Variants in SCD5 observed in about 807,000 individuals in gnomAD.
SCD5 encodes the protein acyl-CoA-desaturase 4.
Under a neutral mutation model 30.4 loss-of-function variants are expected in SCD5, and 20 were observed. The observed-to-expected ratio is 0.66, with a 90% confidence interval of 0.46 to 0.96. The LOEUF (loss-of-function observed/expected upper bound fraction) is 0.96. Among genes scored for constraint, SCD5 ranks in the 40% least tolerant of loss-of-function variants. The pLI, the probability that SCD5 is intolerant of heterozygous loss-of-function variation, is 0.00. For synonymous variants in SCD5, 173 were observed against 176.4 expected, an observed-to-expected ratio of 0.98 and a Z score of 0.16; for missense variants, 381 against 443.3, an observed-to-expected ratio of 0.86 and a Z score of 1.26.
intron 3 of SCD5, among the ~76,000 whole-genome samples, chr4:82,667,322 C>T (rs1270526289): frequency 1.3e-5 from 2 of 152,072 alleles, no homozygotes; most frequent in Non-Finnish European, 2.9e-5. Context: ...TCCTAAAGCT[C>T]TACTAGGAAA....
chr4:82,723,867 A>G (rs1412865327), intron 1 of SCD5, among the ~76,000 whole-genome samples: 2 of 152,366 alleles, frequency 1.3e-5, no homozygotes, highest in East Asian at 3.9e-4. Context: ...ATACAATGTG[A>G]AAGCCTGACT....
At chr4:82,705,462 A>C (rs1373565540) in intron 1 of SCD5, 49 bp from the exon 2 acceptor site, 1 of 1,606,314 alleles carries the variant, frequency 6.2e-7, no homozygotes, top group Non-Finnish European at 8.5e-7. Context: ...CTGAGCTTTC[A>C]AACACCCCCC....
In SCD5 at chr4:82,795,809, CAAAAAAAAAA is replaced by C. The variant is rs72115040; in HGVS notation, c.232+2487_232+2496del. On this transcript the variant is annotated intron_variant, in intron 1 of 4. Transcript: ENST00000319540. ...TGCACTCCAGCAAGACCCTGTCTCACAAAAAAAAAAAAAAAAAAAAAAAAAAGCAGCAGAG... is the reference window on the plus strand; with the variant it reads ...TGCACTCCAGCAAGACCCTGTCTCACAAAAAAAAAAAAAAAAGCAGCAGAG... Among the ~76,000 whole-genome samples, 73 of 43,908 alleles carry C rather than the reference CAAAAAAAAAA, an allele frequency of 1.7e-3. 1 individual carries two copies. Among genetic ancestry groups the C allele is most frequent in the South Asian group, 0.012 (9 of 774 alleles). The allele number at this position is 43,908 out of a possible 152,430, so 28.8% of individuals were successfully genotyped here. A position where few individuals can be genotyped will look rare whatever the true frequency, so the allele number is the denominator to read the frequency against.
chr4:82,737,889 G>T (rs771959104), intron 1 of SCD5, among the ~76,000 whole-genome samples: 7 of 150,470 alleles, frequency 4.7e-5, no homozygotes, highest in Admixed American at 2.0e-4. Context: ...TAAGATTAAA[G>T]AAATCTAAAC....
At chr4:82,672,051 A>T (rs1728338474) in intron 3 of SCD5, among the ~76,000 whole-genome samples, 7 of 152,246 alleles carry the variant, frequency 4.6e-5, no homozygotes, top group African/African-American at 1.4e-4. Flanking sequence ...GGATGCCATA[A>T]AAGCAGTGCT....
chr4:82,748,225 G>T (rs551999012), intron 1 of SCD5, among the ~76,000 whole-genome samples: 1 of 152,200 alleles, frequency 6.6e-6, no homozygotes, highest in African/African-American at 2.4e-5. Context: ...GGGAAACGAT[G>T]AAAAGGGCCC....
intron 3 of SCD5, among the ~76,000 whole-genome samples, chr4:82,679,238 A>AAGAG (rs1553915598): frequency 0.17 from 15,444 of 88,388 alleles, 2,200 homozygotes; most frequent in East Asian, 0.24. Context: ...GAAAGAAAGA[A>AAGAG]AGAAAGAAAG....
intron 1 of SCD5, among the ~76,000 whole-genome samples, chr4:82,769,398 G>A (rs1463878255): frequency 1.3e-5 from 2 of 152,164 alleles, no homozygotes; most frequent in Admixed American, 6.5e-5. Flanking sequence ...AATTAGCCAA[G>A]TAGGTAGTGT....
At position 82,636,748 on chromosome 4, in the gene SCD5, A is replaced by G. The variant is rs559978217; in HGVS notation, c.645T>C (p.Ser215=). The G allele has an allele frequency of 5.4e-5, 87 of 1,613,998 alleles. 4 individuals are homozygous for G. In the South Asian group the frequency reaches 9.1e-4, roughly 17 times the overall value. ...AGGCCAAGAAGTAGGAATTCCACAG[A>G]CTCTCTCCCCAGATGTACCAGGGCA... The part of the protein sequence containing the change: ...TLVPWYIWGE[S]LWNSYFLASI... Residue 215 remains serine, a synonymous_variant, in exon 4 of 5, where the codon AGT becomes AGC. Transcript: ENST00000319540.
intron 2 of SCD5, among the ~76,000 whole-genome samples, chr4:82,695,052 G>C (rs938407768): frequency 7.6e-6 from 1 of 131,234 alleles, no homozygotes; most frequent in Non-Finnish European, 1.6e-5. Flanking sequence ...GTCTGAAGTG[G>C]GGACAGCCAT....
intron 1 of SCD5, among the ~76,000 whole-genome samples, chr4:82,798,086 CGGGG>C (rs34694654): frequency 8.1e-6 from 1 of 124,052 alleles, no homozygotes; most frequent in South Asian, 2.5e-4. Flanking sequence ...GGGGTGGGGG[CGGGG>C]GGGGGGCGGA....
At chr4:82,658,630 CTTTTTTTTT>C (rs57727794) in intron 3 of SCD5, among the ~76,000 whole-genome samples, 78,087 of 117,646 alleles carry the variant, frequency 0.66, 23,880 homozygotes, top group Admixed American at 0.77. Context: ...CCACACCTGG[CTTTTTTTTT>C]TTTTTTTTTT....
chr4:82,679,092 G>A (rs1219143953), intron 3 of SCD5, among the ~76,000 whole-genome samples: 1 of 150,856 alleles, frequency 6.6e-6, no homozygotes, highest in East Asian at 1.9e-4. Flanking sequence ...CCAGCTACTC[G>A]GGAGCCTGCA....
intron 1 of SCD5, among the ~76,000 whole-genome samples, chr4:82,742,340 A>T (rs1457409482): frequency 3.3e-5 from 5 of 152,106 alleles, no homozygotes; most frequent in Non-Finnish European, 7.4e-5. Context: ...GGCCACTCAG[A>T]AGAGAGAGCT....
chr4:82,671,289 T>C (rs1410174547), intron 3 of SCD5, among the ~76,000 whole-genome samples: 1 of 152,152 alleles, frequency 6.6e-6, no homozygotes, highest in Non-Finnish European at 1.5e-5. Context: ...TCCATAATTA[T>C]AATTGGAGAT....
chr4:82,788,556 A>G (rs1722035654), intron 1 of SCD5, among the ~76,000 whole-genome samples: 1 of 152,020 alleles, frequency 6.6e-6, no homozygotes, highest in African/African-American at 2.4e-5. Flanking sequence ...ACTCCCAGCT[A>G]ATTTTTGTAT....
At chr4:82,753,119 T>C (rs1447893427) in intron 1 of SCD5, among the ~76,000 whole-genome samples, 1 of 149,312 alleles carries the variant, frequency 6.7e-6, no homozygotes, top group African/African-American at 2.4e-5. Flanking sequence ...AGGACTGGAG[T>C]CTGCATTTTA....
chr4:82,727,900 G>A (rs143459344), intron 1 of SCD5, among the ~76,000 whole-genome samples: 2 of 152,072 alleles, frequency 1.3e-5, no homozygotes, highest in African/African-American at 4.8e-5. Context: ...TAGAGACGGG[G>A]TTTCACCATG....
intron 1 of SCD5, among the ~76,000 whole-genome samples, chr4:82,706,141 C>A (rs1316280937): frequency 6.6e-6 from 1 of 152,206 alleles, no homozygotes; most frequent in African/African-American, 2.4e-5. Context: ...GGTCATGAGT[C>A]CATGAAATGG....
Sources: gnomAD v4.1 joint callset for allele counts (sites outside exome capture counted in the v4.1 genomes callset) on GRCh38, gnomAD v4.1.1 for gene constraint, MANE v1.5 for transcripts, NCBI Gene and HGNC (gene_info 2026-07-23, HGNC 2026-07-21) for gene names.